Variants in RTL9 observed in about 807,000 individuals in gnomAD.
RTL9 encodes retrotransposon Gag like 9.
In RTL9, 19 loss-of-function variants were observed where a neutral mutation model predicts 44.7. The observed-to-expected ratio is 0.42, with a 90% CI of 0.30 to 0.62. The LOEUF (loss-of-function observed/expected upper bound fraction) is 0.62. RTL9 is among the 20% of genes least tolerant of loss of function. The pLI, the probability that RTL9 is intolerant of heterozygous loss-of-function variation, is 0.16. For synonymous variants in RTL9, 407 were observed against 398.9 expected (o/e 1.02, Z -0.24); for missense variants, 1,105 against 1,080.6 (o/e 1.02, Z -0.32).
chrX:110,443,116 T>C (rs2068891581), intron 1 of RTL9, among the ~76,000 whole-genome samples: 1 of 112,203 alleles, frequency 8.9e-6, no homozygotes, highest in South Asian at 3.7e-4. Flanking sequence ...CACGTTGTTT[T>C]GTTTAAAACA....
chrX:110,436,175 G>A (rs1329456425), intron 1 of RTL9, among the ~76,000 whole-genome samples: 13 of 112,265 alleles, frequency 1.2e-4, no homozygotes, highest in Non-Finnish European at 2.3e-4. Flanking sequence ...TCTTTGTGAA[G>A]TATCTTTAGA....
exon 1 of RTL9, chrX:110,450,847 C>T: frequency 8.3e-7 from 1 of 1,211,611 alleles, no homozygotes; most frequent in Non-Finnish European, 1.1e-6. Context: ...ATGTCTGCAC[C>T]TCTAATGGGA....
intron 1 of RTL9, among the ~76,000 whole-genome samples, chrX:110,380,817 C>T (rs2068413524): frequency 8.9e-6 from 1 of 112,141 alleles, no homozygotes; most frequent in African/African-American, 3.2e-5. Flanking sequence ...TAGTCTTTGA[C>T]AAAGTTGATA....
chrX:110,362,472 G>C (rs1272920354), intron 1 of RTL9, among the ~76,000 whole-genome samples: 2 of 112,133 alleles, frequency 1.8e-5, no homozygotes, highest in Non-Finnish European at 3.8e-5. Flanking sequence ...ACAACTGCTA[G>C]CAATAGCTTC....
chrX:110,408,552 G>T (rs1257284235), intron 1 of RTL9, among the ~76,000 whole-genome samples: 1 of 112,009 alleles, frequency 8.9e-6, no homozygotes, highest in Admixed American at 9.4e-5. Flanking sequence ...AGCATAAAGG[G>T]TTTTGCTTCC....
In RTL9 at chrX:110,452,120, G is replaced by A. The variant is rs1265623695; in HGVS notation, c.1503G>A (p.Leu501=). 8 of 1,209,591 alleles carry A rather than the reference G, an allele frequency of 6.6e-6. No homozygotes were observed. In the African/African-American group the frequency reaches 1.4e-4, roughly 21 times the overall value. ...CCTCTGGAAAGATGTCCACGCCACTGAGGAGAGCTCCAACTTCTGGAGCAA... is the reference window on the plus strand; with the variant it reads ...CCTCTGGAAAGATGTCCACGCCACTAAGGAGAGCTCCAACTTCTGGAGCAA... Residue 501 remains leucine, a synonymous_variant, in exon 1 of 2, where the codon CTG becomes CTA. Transcript: ENST00000540313.
chrX:110,436,408 G>A (rs973755563), intron 1 of RTL9, among the ~76,000 whole-genome samples: 1 of 111,941 alleles, frequency 8.9e-6, no homozygotes, highest in East Asian at 2.8e-4. Context: ...AACCCACTCT[G>A]TATCTTTATA....
At chrX:110,418,530 A>C (rs2068694363), upstream of RTL9, among the ~76,000 whole-genome samples, 1 of 111,965 alleles carries the variant, frequency 8.9e-6, no homozygotes, top group Non-Finnish European at 1.9e-5. Context: ...TCAGATTTCA[A>C]GGAACATGAA....
At chrX:110,375,517 C>T (rs778188460) in intron 1 of RTL9, among the ~76,000 whole-genome samples, 1 of 109,435 alleles carries the variant, frequency 9.1e-6, no homozygotes, top group Non-Finnish European at 1.9e-5. Context: ...AGTAGGGGCT[C>T]AGTAAATATT....
intron 1 of RTL9, among the ~76,000 whole-genome samples, chrX:110,409,172 C>G (rs16985987): frequency 0.036 from 3,984 of 110,801 alleles, 64 homozygotes; most frequent in Non-Finnish European, 0.046. Context: ...GTATATAAAA[C>G]TGGCAGGAGA....
chrX:110,417,047 C>T (rs747595167), upstream of RTL9, among the ~76,000 whole-genome samples: 3 of 112,395 alleles, frequency 2.7e-5, no homozygotes, highest in African/African-American at 6.5e-5. Flanking sequence ...ACTTTTCATT[C>T]GACAGAGACT....
At chrX:110,428,481 A>T (rs1462749116) in intron 1 of RTL9, among the ~76,000 whole-genome samples, 2 of 111,618 alleles carry the variant, frequency 1.8e-5, no homozygotes, top group Non-Finnish European at 3.8e-5. Context: ...TGAATCAATG[A>T]TGACCTTTTC....
chrX:110,434,824 C>A (rs894682259), intron 1 of RTL9, among the ~76,000 whole-genome samples: 1 of 110,399 alleles, frequency 9.1e-6, no homozygotes, highest in Non-Finnish European at 1.9e-5. Context: ...GATGGGGTTT[C>A]TCCTCTCCCA....
chrX:110,394,225 G>A (rs1216336871), intron 1 of RTL9, among the ~76,000 whole-genome samples: 1 of 112,422 alleles, frequency 8.9e-6, no homozygotes, highest in East Asian at 2.8e-4. Context: ...AATATTAGAA[G>A]TGTTTGGGTG....
chrX:110,389,776 G>A (rs1025081762), intron 1 of RTL9, among the ~76,000 whole-genome samples: 3 of 110,199 alleles, frequency 2.7e-5, no homozygotes, highest in African/African-American at 6.6e-5. Flanking sequence ...GAGGAAAGGC[G>A]GGGCAGGGAG....
chrX:110,404,226 C>T (rs1394266508), intron 1 of RTL9, among the ~76,000 whole-genome samples: 1 of 111,687 alleles, frequency 9.0e-6, no homozygotes, highest in African/African-American at 3.3e-5. Flanking sequence ...ATCCTAATAC[C>T]TTTAACCTTT....
chrX:110,372,937 G>T (rs1182123132), intron 1 of RTL9, among the ~76,000 whole-genome samples: 1 of 111,877 alleles, frequency 8.9e-6, no homozygotes, highest in Non-Finnish European at 1.9e-5. Flanking sequence ...AGAGTAGAAG[G>T]ATGCTGCCCC....
At chrX:110,388,888 A>G (rs1306709486) in intron 1 of RTL9, among the ~76,000 whole-genome samples, 1 of 112,453 alleles carries the variant, frequency 8.9e-6, no homozygotes, top group African/African-American at 3.2e-5. Context: ...TGATGTACGT[A>G]GTGGGGAGAG....
At chrX:110,418,755 A>G (rs1394398682), upstream of RTL9, among the ~76,000 whole-genome samples, 7 of 111,279 alleles carry the variant, frequency 6.3e-5, no homozygotes, top group Non-Finnish European at 1.3e-4. Flanking sequence ...TGATCCTCCA[A>G]TTTTCTACAC....
Sources: allele counts gnomAD v4.1 joint callset (sites outside exome capture counted in the v4.1 genomes callset), GRCh38; gene constraint gnomAD v4.1.1; transcripts MANE v1.5; gene names NCBI Gene and HGNC (gene_info 2026-07-23, HGNC 2026-07-21).